Variants in TCEA1 observed in about 807,000 individuals in gnomAD.
The protein encoded by TCEA1 is transcription elongation factor A1.
A neutral mutation model predicts 43.8 loss-of-function variants in TCEA1; 21 were observed. That is an observed-to-expected ratio of 0.48 (90% CI 0.34 to 0.69). The LOEUF is 0.69. TCEA1 is among the 30% of genes least tolerant of loss of function. The probability of loss-of-function intolerance (pLI) is 0.01; values close to 1 mark genes in which losing one functional copy is unlikely to be tolerated. For synonymous variants in TCEA1, 104 were observed against 117.5 expected, an observed-to-expected ratio of 0.88 and a Z score of 0.75; for missense variants, 250 against 365.1, an observed-to-expected ratio of 0.68 and a Z score of 2.57.
intron 8 of TCEA1, chr8:53,972,460 G>A (rs550473177): frequency 8.3e-5 from 43 of 518,862 alleles, no homozygotes; most frequent in Non-Finnish European, 1.4e-4. Context: ...CATGCATGGA[G>A]AGAATCAGAT....
intron 1 of TCEA1, among the ~76,000 whole-genome samples, chr8:54,018,721 G>C (rs1349638868): frequency 6.6e-6 from 1 of 152,196 alleles, no homozygotes; most frequent in Non-Finnish European, 1.5e-5. Context: ...TTGAGATCAA[G>C]TACACATGTG....
At chr8:53,996,644 T>A (rs975166289) in intron 3 of TCEA1, among the ~76,000 whole-genome samples, 119 of 152,208 alleles carry the variant, frequency 7.8e-4, no homozygotes, top group African/African-American at 2.7e-3. Flanking sequence ...TGGCAAGTGA[T>A]CAACTAAAAT....
intron 6 of TCEA1, among the ~76,000 whole-genome samples, chr8:53,985,015 C>A (rs976583205): frequency 2.0e-5 from 3 of 152,104 alleles, no homozygotes; most frequent in African/African-American, 7.2e-5. Flanking sequence ...TACTTTTACA[C>A]TGTAAAGTAG....
At chr8:53,991,424 G>A (rs983497609) in intron 4 of TCEA1, among the ~76,000 whole-genome samples, 6 of 150,760 alleles carry the variant, frequency 4.0e-5, no homozygotes, top group African/African-American at 1.5e-4. Context: ...GCTGGGCGCG[G>A]TGGCTCAGGC....
chr8:54,002,785 G>A, intron 2 of TCEA1: 1 of 412,586 alleles, frequency 2.4e-6, no homozygotes, highest in South Asian at 1.8e-5. Context: ...CAGGACTAAT[G>A]AAAGCTTTCA....
intron 2 of TCEA1, among the ~76,000 whole-genome samples, chr8:54,007,772 A>G (rs1413860414): frequency 6.6e-6 from 1 of 152,226 alleles, no homozygotes; most frequent in East Asian, 1.9e-4. Flanking sequence ...AATATCAAAG[A>G]AAGCACTTGT....
chr8:54,017,681 G>T (rs1804878305), intron 1 of TCEA1, among the ~76,000 whole-genome samples: 1 of 152,216 alleles, frequency 6.6e-6, no homozygotes, highest in South Asian at 2.1e-4. Flanking sequence ...AGCAATTTGG[G>T]AGGCCGAGGC....
intron 1 of TCEA1, 109 bp downstream of exon 1, chr8:54,021,954 A>G (rs1279939266): frequency 5.3e-6 from 6 of 1,125,408 alleles, no homozygotes; most frequent in Non-Finnish European, 6.9e-6. Context: ...CCCGGCTCCC[A>G]GACGGGAGGC....
In TCEA1 at chr8:53,987,334, A is replaced by C. The variant is rs1158966154; in HGVS notation, c.467-309T>G. ...CTGGCTGCTCCAGCAGAGTAGAGAA[A>C]GTTACAGAAAGAACTGTCTAGTCTC... On this transcript the variant is annotated intron_variant, in intron 5 of 9. Coordinates refer to ENST00000521604, the MANE Select transcript of TCEA1 (RefSeq NM_006756.4). 2.0e-5 allele frequency among the ~76,000 whole-genome samples: 3 copies of C among 152,240 alleles called. No individual in the cohort carries two copies. In the East Asian group the frequency reaches 5.8e-4, roughly 29 times the overall value.
chr8:54,000,472 A>T lies in TCEA1; in HGVS notation c.127-422T>A, dbSNP rs556785168. On this transcript the variant is annotated intron_variant, in intron 2 of 9. Coordinates refer to ENST00000521604, the MANE Select transcript of TCEA1 (RefSeq NM_006756.4). ...CATAGAGCACCAGCTGCAAATTATT[A>T]TGAGGATATCCAAACAAAAACTACC... 1.4e-3 allele frequency among the ~76,000 whole-genome samples: 220 copies of T among 152,356 alleles called. 1 individual carries two copies. The highest frequency in any genetic ancestry group is 5.0e-3 in the African/African-American group (207 of 41,588).
intron 6 of TCEA1, among the ~76,000 whole-genome samples, chr8:53,985,872 A>T (rs1198791443): frequency 6.6e-6 from 1 of 152,224 alleles, no homozygotes; most frequent in Non-Finnish European, 1.5e-5. Context: ...GCCCTTTTGC[A>T]CAACTTAAAT....
chr8:53,991,507 C>A (rs1803880776), intron 4 of TCEA1, among the ~76,000 whole-genome samples: 1 of 151,848 alleles, frequency 6.6e-6, no homozygotes, highest in African/African-American at 2.4e-5. Flanking sequence ...CCAGCCTGAT[C>A]AAAATGGAGA....
intron 2 of TCEA1, 185 bp downstream of exon 2, chr8:54,010,245 G>T: frequency 1.9e-6 from 1 of 519,728 alleles, no homozygotes. Context: ...TAAGAAAGGC[G>T]ACATTGCTCT....
rs781094117 is a variant in TCEA1, at chr8:53,970,416, A to G, written c.873T>C (p.Cys291=). The change falls in exon 9 of 10, where the codon TGT becomes TGC. Residue 291 remains cysteine, a synonymous_variant. Transcript: ENST00000521604. ...ADEPMTTFVV[C]NECGNRWKFC ...CCTTCCATCGATTTCCACATTCATT[A>G]CAGACAACAAATGTTGTCATTGGTT... The G allele has an allele frequency of 3.4e-5, 55 of 1,610,906 alleles. No homozygotes were observed. Among genetic ancestry groups the G allele is most frequent in the Non-Finnish European group, 4.4e-5 (52 of 1,177,882 alleles).
rs550500735 is a variant in TCEA1, at chr8:53,976,552, C to G, written c.825+2473G>C. On this transcript the variant is annotated intron_variant, in intron 8 of 9. Coordinates refer to ENST00000521604, the MANE Select transcript of TCEA1 (RefSeq NM_006756.4). ...ACTTTGTGATTCTAAGAAAATCATA[C>G]TGGCTCCAACTTTAGGCTGGGTTCC... Among the ~76,000 whole-genome samples, 42 of 152,302 alleles carry G rather than the reference C, an allele frequency of 2.8e-4. No individual in the cohort carries two copies. The South Asian group carries it at 5.0e-3, about 18-fold the overall frequency.
At chr8:53,972,647 A>G in intron 8 of TCEA1, 1 of 614,226 alleles carries the variant, frequency 1.6e-6, no homozygotes, top group East Asian at 3.6e-5. Context: ...GGGTGAAGGA[A>G]GAGCAAGTTT....
At chr8:54,005,050 A>G (rs928541802) in intron 2 of TCEA1, among the ~76,000 whole-genome samples, 1 of 152,158 alleles carries the variant, frequency 6.6e-6, no homozygotes, top group Non-Finnish European at 1.5e-5. Context: ...CACTCTGCTC[A>G]GTTTCCTGCA....
intron 3 of TCEA1, among the ~76,000 whole-genome samples, chr8:53,998,145 T>TA (rs1184060815): frequency 6.6e-6 from 1 of 152,204 alleles, no homozygotes; most frequent in East Asian, 1.9e-4. Context: ...GTTACATGAA[T>TA]GTATATGTAA....
chr8:53,986,347 C>T (rs922304891), intron 6 of TCEA1, among the ~76,000 whole-genome samples: 1 of 152,156 alleles, frequency 6.6e-6, no homozygotes, highest in Non-Finnish European at 1.5e-5. Flanking sequence ...TCCTGTTTGT[C>T]CAGTTTAATC....
Sources: allele counts gnomAD v4.1 joint callset (sites outside exome capture counted in the v4.1 genomes callset), GRCh38; gene constraint gnomAD v4.1.1; transcripts MANE v1.5; gene names NCBI Gene and HGNC (gene_info 2026-07-23, HGNC 2026-07-21).